Variants in PRKAG2 observed in about 807,000 individuals in gnomAD.
PRKAG2 encodes protein kinase AMP-activated non-catalytic subunit gamma 2.
PRKAG2 carries 26 observed loss-of-function variants against 69.6 expected under a neutral mutation model. The observed-to-expected ratio is 0.37, with a 90% confidence interval of 0.27 to 0.52. The LOEUF (loss-of-function observed/expected upper bound fraction) is 0.52, where lower values mean the gene tolerates loss of function less well. PRKAG2 is among the 20% of genes least tolerant of loss of function. The pLI is 0.90. For missense variants in PRKAG2, 557 were observed against 740.0 expected, an observed-to-expected ratio of 0.75 and a Z score of 2.87; for synonymous variants, 293 against 285.0, an observed-to-expected ratio of 1.03 and a Z score of -0.28.
intron 6 of PRKAG2, among the ~76,000 whole-genome samples, chr7:151,587,894 C>G (rs1228084062): frequency 6.6e-6 from 1 of 152,172 alleles, no homozygotes; most frequent in Admixed American, 6.5e-5. Context: ...GGTTCATTAA[C>G]TGGGACAAAT....
At chr7:151,590,264 C>T (rs1487351033) in intron 6 of PRKAG2, among the ~76,000 whole-genome samples, 3 of 152,244 alleles carry the variant, frequency 2.0e-5, no homozygotes, top group East Asian at 3.8e-4. Flanking sequence ...CTGGGACCTG[C>T]ACCCACAGAC....
At chr7:151,875,613 G>A (rs964981903) in intron 1 of PRKAG2, among the ~76,000 whole-genome samples, 9 of 135,146 alleles carry the variant, frequency 6.7e-5, no homozygotes, top group East Asian at 6.5e-4. Context: ...GTGTGTGTGT[G>A]TACACAAACA....
intron 1 of PRKAG2, among the ~76,000 whole-genome samples, chr7:151,803,159 T>C (rs1034480646): frequency 7.9e-5 from 12 of 152,088 alleles, no homozygotes; most frequent in African/African-American, 2.9e-4. Flanking sequence ...GGTTTCACCA[T>C]GTTGGCCAGG....
At chr7:151,849,532 CG>C (rs2079520665) in intron 1 of PRKAG2, among the ~76,000 whole-genome samples, 1 of 152,208 alleles carries the variant, frequency 6.6e-6, no homozygotes, top group Admixed American at 6.5e-5. Flanking sequence ...CATACACACA[CG>C]GGGTCTTAGA....
chr7:151,865,424 G>A (rs2080039175), intron 1 of PRKAG2, among the ~76,000 whole-genome samples: 1 of 152,262 alleles, frequency 6.6e-6, no homozygotes, highest in Non-Finnish European at 1.5e-5. Context: ...GTGGCTTTCA[G>A]TCCCTATGTT....
At chr7:151,670,357 A>G (rs1321489876) in intron 4 of PRKAG2, among the ~76,000 whole-genome samples, 1 of 152,100 alleles carries the variant, frequency 6.6e-6, no homozygotes, top group Admixed American at 6.6e-5. Context: ...TACCTTCAAA[A>G]TTGCCCTCTA....
At chr7:151,808,337 T>C (rs915526210) in intron 1 of PRKAG2, among the ~76,000 whole-genome samples, 2 of 152,030 alleles carry the variant, frequency 1.3e-5, no homozygotes, top group African/African-American at 4.8e-5. Flanking sequence ...TGCACAAGGA[T>C]TTACTTATCT....
intron 3 of PRKAG2, among the ~76,000 whole-genome samples, chr7:151,737,169 A>C (rs2073487048): frequency 6.6e-6 from 1 of 152,038 alleles, no homozygotes; most frequent in South Asian, 2.1e-4. Context: ...TCTGAACCTC[A>C]GTTTCCCCCT....
intron 2 of PRKAG2, among the ~76,000 whole-genome samples, chr7:151,784,473 C>G (rs2076900489): frequency 6.6e-6 from 1 of 152,176 alleles, no homozygotes; most frequent in Non-Finnish European, 1.5e-5. Flanking sequence ...TGAAACCTGC[C>G]CCTTAACAGA....
intron 1 of PRKAG2, among the ~76,000 whole-genome samples, chr7:151,829,044 G>C (rs1041501245): frequency 6.6e-6 from 1 of 152,204 alleles, no homozygotes; most frequent in Non-Finnish European, 1.5e-5. Flanking sequence ...AAAGCAACTG[G>C]ACCTCATCAA....
intron 5 of PRKAG2, among the ~76,000 whole-genome samples, chr7:151,597,897 C>G (rs1215787371): frequency 1.4e-5 from 2 of 140,644 alleles, no homozygotes; most frequent in Non-Finnish European, 3.1e-5. Context: ...GAAAACAGTA[C>G]AGAGGTTCCT....
At chr7:151,711,448 A>G (rs190546913) in intron 3 of PRKAG2, among the ~76,000 whole-genome samples, 27 of 152,112 alleles carry the variant, frequency 1.8e-4, no homozygotes, top group South Asian at 4.2e-4. Flanking sequence ...AAGAGTGCTA[A>G]GCTTAGAGCA....
At chr7:151,738,772 T>C (rs538027495) in intron 3 of PRKAG2, among the ~76,000 whole-genome samples, 6 of 152,260 alleles carry the variant, frequency 3.9e-5, no homozygotes, top group Non-Finnish European at 8.8e-5. Context: ...TAAATCTCTG[T>C]TGGGGCTCTC....
Position 151,684,594 on chromosome 7 carries a change from C to T in PRKAG2, c.467-8957G>A, listed in dbSNP as rs138797292. Among the ~76,000 whole-genome samples, 27 of 152,298 alleles carry T rather than the reference C, an allele frequency of 1.8e-4. No homozygotes were observed. In the East Asian group the frequency reaches 4.2e-3, roughly 24 times the overall value. On this transcript the variant is annotated intron_variant, in intron 3 of 15. Coordinates refer to ENST00000287878, the MANE Select transcript of PRKAG2 (RefSeq NM_016203.4). ...TGCCATTGATAGCAGGTGACGTCTC[C>T]GGGAGAAGACCCTGCTGGTCGGAAG...
intron 7 of PRKAG2, 93 bp downstream of exon 7, chr7:151,576,278 G>A: frequency 2.6e-6 from 3 of 1,150,824 alleles, no homozygotes; most frequent in Non-Finnish European, 3.8e-6. Context: ...ATGTTTACTA[G>A]GTTGAATTCC....
intron 3 of PRKAG2, among the ~76,000 whole-genome samples, chr7:151,689,073 G>A (rs1040715187): frequency 1.8e-4 from 28 of 152,208 alleles, no homozygotes; most frequent in Admixed American, 1.5e-3. Context: ...TCAAGATCAC[G>A]CCTCGCTGGG....
intron 1 of PRKAG2, among the ~76,000 whole-genome samples, chr7:151,808,410 G>A (rs1272034207): frequency 2.0e-5 from 3 of 152,146 alleles, no homozygotes; most frequent in African/African-American, 7.2e-5. Context: ...TTGGACTGTA[G>A]GCAAGAAGGC....
chr7:151,682,116 T>C (rs937133973), intron 3 of PRKAG2, among the ~76,000 whole-genome samples: 3 of 152,022 alleles, frequency 2.0e-5, no homozygotes, highest in Non-Finnish European at 4.4e-5. Context: ...ATTCAATCAG[T>C]AGAGAAACAA....
intron 3 of PRKAG2, among the ~76,000 whole-genome samples, chr7:151,740,447 G>A (rs1586202389): frequency 1.4e-5 from 1 of 69,842 alleles, no homozygotes; most frequent in Non-Finnish European, 3.1e-5. Flanking sequence ...ACCAGTCCTA[G>A]GGGGTTCCTG....
Sources: allele counts gnomAD v4.1 joint callset (sites outside exome capture counted in the v4.1 genomes callset), GRCh38; gene constraint gnomAD v4.1.1; transcripts MANE v1.5; gene names NCBI Gene and HGNC (gene_info 2026-07-23, HGNC 2026-07-21).